Variants in ITGA7 observed in about 807,000 individuals in gnomAD.
ITGA7 encodes integrin subunit alpha 7, also known as integrin alpha-7.
ITGA7 carries 84 observed loss-of-function variants against 131.6 expected under a neutral mutation model. The ratio of observed to expected loss-of-function variants is 0.64; its 90% CI spans 0.54 to 0.77. The LOEUF is 0.77. Ranked by LOEUF, ITGA7 falls within the 30% of genes least tolerant of loss-of-function variation. ITGA7 has a pLI of 0.00. For synonymous variants in ITGA7, 548 were observed against 600.7 expected (o/e 0.91, Z 1.28); for missense variants, 1,399 against 1,482.9 (o/e 0.94, Z 0.93).
At position 55,699,967 on chromosome 12, in the gene ITGA7, A is replaced by T; in HGVS notation, c.693T>A (p.Ile231=). ...NWKGLLFVTN[I]DSSDPDQLVY... ...CCAGCTGGTCGGGGTCTGAGCTATC[A>T]ATGTTGGTCACAAAAAGCAACCCTG... is the stretch of plus-strand genomic sequence containing the variant. Residue 231 remains isoleucine (I), a synonymous_variant, in exon 5 of 25, where the codon ATT becomes ATA. Coordinates refer to ENST00000257879, the MANE Select transcript of ITGA7 (RefSeq NM_002206.3). 6 of 1,614,158 alleles carry T rather than the reference A, an allele frequency of 3.7e-6. No homozygotes were observed. Among genetic ancestry groups the T allele is most frequent in the Non-Finnish European group, 5.1e-6 (6 of 1,180,022 alleles).
At chr12:55,698,310 CT>C in intron 7 of ITGA7, 72 bp downstream of exon 7, 1 of 1,378,276 alleles carries the variant, frequency 7.3e-7, no homozygotes, top group South Asian at 1.4e-5. Flanking sequence ...AGACCACACC[CT>C]GACCTCTGAG....
At chr12:55,697,634 G>C in intron 9 of ITGA7, 61 bp downstream of exon 9, 1 of 1,613,008 alleles carries the variant, frequency 6.2e-7, no homozygotes, top group South Asian at 1.1e-5. Context: ...CTGAGGTCGG[G>C]GTCAGAGTCA....
upstream of ITGA7, chr12:55,716,340 G>C: frequency 6.8e-7 from 1 of 1,476,468 alleles, no homozygotes; most frequent in African/African-American, 1.4e-5. Flanking sequence ...ATTTCAGAGA[G>C]GCTTTTTTTG....
Position 55,684,909 on chromosome 12 carries a change from G to C in ITGA7, c.*149C>G, listed in dbSNP as rs1159072108. 1 of 651,236 alleles carries C rather than the reference G, an allele frequency of 1.5e-6. No individual in the cohort carries two copies. The highest frequency in any genetic ancestry group is 1.8e-5 in the African/African-American group (1 of 54,784). The allele number at this position is 651,236 out of a possible 1,614,324, so 40.3% of individuals were successfully genotyped here. On this transcript the variant is annotated 3_prime_UTR_variant, in exon 25 of 25. Transcript: ENST00000257879. ...GGGAAGTTGGGTGGGAGGAGTTCTTGTGGGTGGGAGAGGTCTGTGCCCCTG... is the reference window on the plus strand; with the variant it reads ...GGGAAGTTGGGTGGGAGGAGTTCTTCTGGGTGGGAGAGGTCTGTGCCCCTG...
At chr12:55,689,455 A>C (rs982814531) in intron 21 of ITGA7, among the ~76,000 whole-genome samples, 2 of 152,134 alleles carry the variant, frequency 1.3e-5, no homozygotes, top group Non-Finnish European at 2.9e-5. Flanking sequence ...CCCTAAACCC[A>C]AACTCGCTGA....
chr12:55,693,305 CT>C lies in ITGA7; in HGVS notation c.2547del (p.Gly850AlafsTer142). The C allele has an allele frequency of 6.2e-7, 1 of 1,613,868 alleles. No homozygotes were observed. On this transcript the variant is annotated frameshift_variant, in exon 20 of 25. Transcript: ENST00000257879. LOFTEE classifies it high-confidence loss of function. ...KVKYEVTVSN[Q>X]GQSLRTLGSA... ...GAGCCCAGGGTTCTGAGCGACTGGC[CT>C]TGGTTGGAAACCTGTGGGAAAAAGA...
At position 55,694,253 on chromosome 12, in the gene ITGA7, C is replaced by T. The variant is rs1245750037; in HGVS notation, c.2432+3G>A. 1.2e-6 allele frequency: 2 copies of T among 1,614,098 alleles called. No individual in the cohort carries two copies. Among genetic ancestry groups the T allele is most frequent in the South Asian group, 1.1e-5 (1 of 91,082 alleles). Reference sequence around the variant, plus strand: ...TGGAGGTGCCCCCTTGGGCCAGGCTCACCCTGCAATGGACAGTGGCAGCTC... The same window carrying T: ...TGGAGGTGCCCCCTTGGGCCAGGCTTACCCTGCAATGGACAGTGGCAGCTC... On this transcript the variant is annotated splice_donor_region_variant and intron_variant, in intron 18 of 24. Coordinates refer to ENST00000257879, the MANE Select transcript of ITGA7 (RefSeq NM_002206.3). This position sits in a 1 kb window ranked among gnomAD's most constrained non-coding sequence, Gnocchi z 5.3.
At position 55,694,836 on chromosome 12, in the gene ITGA7, A is replaced by G. The variant is rs2136003155; in HGVS notation, c.2138T>C (p.Leu713Pro). ...CAGTGAGTCAGGAAGCATGACCAGG[A>G]GCTGGGCTTCATGGGCATCATCCCC... ...ADGDDAHEAQLLVMLPDSLHY... is the reference protein window; with the variant it reads ...ADGDDAHEAQPLVMLPDSLHY... Residue 713 changes from leucine to proline, a missense_variant, in exon 15 of 25, where the codon CTC becomes CCC. Transcript: ENST00000257879. The surrounding 1 kb of genome is among the most constrained non-coding windows in gnomAD (Gnocchi z 5.3). The G allele has an allele frequency of 1.9e-6, 3 of 1,613,886 alleles. No homozygotes were observed. Among genetic ancestry groups the G allele is most frequent in the Non-Finnish European group, 2.5e-6 (3 of 1,179,956 alleles).
rs1218036045 is a variant in ITGA7, at chr12:55,694,552, CA to C, written c.2278-31del. 2.5e-6 allele frequency: 4 copies of C among 1,613,392 alleles called. No individual in the cohort carries two copies. Among genetic ancestry groups the C allele is most frequent in the Non-Finnish European group, 3.4e-6 (4 of 1,179,426 alleles). The stretch of plus-strand genomic sequence containing the variant: ...GCCAAGGGTGGAAAGAGATTAGAGT[CA>C]GGGGTGGTCTACGGGCTTATGGAGA... On this transcript the variant is annotated intron_variant, in intron 16 of 24. Transcript: ENST00000257879. The surrounding 1 kb of genome is among the most constrained non-coding windows in gnomAD (Gnocchi z 5.3).
rs1872113301 is a variant in ITGA7, at chr12:55,694,236, C to T, written c.2432+20G>A. 1 of 1,613,582 alleles carries T rather than the reference C, an allele frequency of 6.2e-7. No homozygotes were observed. ...ATGCCCCCTCCCTCCAATGGAGGTG[C>T]CCCCTTGGGCCAGGCTCACCCTGCA... is the stretch of plus-strand genomic sequence containing the variant. On this transcript the variant is annotated intron_variant, in intron 18 of 24. Transcript: ENST00000257879. The surrounding 1 kb of genome is among the most constrained non-coding windows in gnomAD (Gnocchi z 5.3).
At chr12:55,711,500 A>T (rs61956379), upstream of ITGA7, among the ~76,000 whole-genome samples, 1 of 152,074 alleles carries the variant, frequency 6.6e-6, no homozygotes. Flanking sequence ...AAATTTAAAA[A>T]TTTTGTGCTT....
upstream of ITGA7, chr12:55,716,210 C>T: frequency 1.2e-6 from 2 of 1,600,078 alleles, no homozygotes; most frequent in South Asian, 2.2e-5. Flanking sequence ...AGCCAAATAT[C>T]CTGTCGGCCG....
upstream of ITGA7, among the ~76,000 whole-genome samples, chr12:55,714,355 A>G (rs867913818): frequency 9.3e-3 from 1,055 of 113,322 alleles, 3 homozygotes; most frequent in African/African-American, 0.042. Flanking sequence ...TACTAAAAAT[A>G]CAAAAAAAAA....
rs1872968965 is a variant in ITGA7, at chr12:55,697,753, C to T, written c.1351G>A (p.Gly451Arg). ...YSLSGSLDMD[G>R]NQYPDLLVGS... is the part of the protein sequence containing the mutation. ...ACCAGCAGGTCAGGGTATTGGTTCC[C>T]ATCCATATCCAAGCTGCCTGACAGG... The change falls in exon 9 of 25, where the codon GGG (glycine) becomes AGG (arginine). Residue 451 changes from glycine (G) to arginine (R), a missense_variant. Gly to Arg is a moderately radical substitution (Grantham distance 125). Transcript: ENST00000257879. 1 of 1,614,012 alleles carries T rather than the reference C, an allele frequency of 6.2e-7. No individual in the cohort carries two copies. The highest frequency in any genetic ancestry group is 1.3e-5 in the African/African-American group (1 of 74,896).
chr12:55,684,795 C>A lies in ITGA7; in HGVS notation c.*263G>T. 2.0e-6 allele frequency: 1 copy of A among 498,036 alleles called. No homozygotes were observed. The highest frequency in any genetic ancestry group is 3.6e-5 in the South Asian group (1 of 27,970). The allele number at this position is 498,036 out of a possible 1,614,324, so 30.9% of individuals were successfully genotyped here. ...GGAAGGGATTAGGATCCCTTCTCCC[C>A]ACCTTTGCATCAGGACACCCCTGCC... On this transcript the variant is annotated 3_prime_UTR_variant, in exon 25 of 25. Transcript: ENST00000257879.
upstream of ITGA7, chr12:55,716,084 C>T (rs1297319654): frequency 2.5e-6 from 4 of 1,580,388 alleles, no homozygotes; most frequent in African/African-American, 5.4e-5. Flanking sequence ...AGCGTTCCAG[C>T]TTCCGGAGCC....
At position 55,696,452 on chromosome 12, in the gene ITGA7, T is replaced by C; in HGVS notation, c.1738-20A>G. The C allele has an allele frequency of 6.3e-7, 1 of 1,587,668 alleles. No homozygotes were observed. ...ATTTTCCTAGGAAGAGGAAGGTCTA[T>C]TCCTCACTGGAACAATCCCCAGGCC... On this transcript the variant is annotated intron_variant, in intron 12 of 24. Transcript: ENST00000257879.
In ITGA7 at chr12:55,693,990, A is replaced by T. The variant is rs200167809; in HGVS notation, c.2535+31T>A. The T allele has an allele frequency of 1.3e-4, 196 of 1,545,422 alleles. No homozygotes were observed. In the East Asian group the frequency reaches 4.3e-3, roughly 34 times the overall value. ...TCCTCTGTGCCAAGGAGGGAGGGTGACCATGGAGGGGCCTCATCCCTGACA... is the reference window on the plus strand; with the variant it reads ...TCCTCTGTGCCAAGGAGGGAGGGTGTCCATGGAGGGGCCTCATCCCTGACA... On this transcript the variant is annotated intron_variant, in intron 19 of 24. Coordinates refer to ENST00000257879, the MANE Select transcript of ITGA7 (RefSeq NM_002206.3).
upstream of ITGA7, among the ~76,000 whole-genome samples, chr12:55,713,144 G>A (rs181819473): frequency 3.3e-5 from 5 of 152,086 alleles, no homozygotes; most frequent in African/African-American, 1.2e-4. Context: ...CTGGAGGTGA[G>A]GCACCAGGCA....
Sources: allele counts gnomAD v4.1 joint callset (sites outside exome capture counted in the v4.1 genomes callset), GRCh38; gene constraint gnomAD v4.1.1; non-coding constraint Gnocchi (gnomAD v3.1); transcripts MANE v1.5; gene names NCBI Gene and HGNC (gene_info 2026-07-23, HGNC 2026-07-21).